Variants in RIMS2 observed in about 807,000 individuals in gnomAD.
RIMS2 encodes the protein regulating synaptic membrane exocytosis protein 2.
Under a neutral mutation model 174.4 loss-of-function variants are expected in RIMS2, and 59 were observed. The ratio of observed to expected loss-of-function variants is 0.34; its 90% CI spans 0.27 to 0.42. RIMS2 has a LOEUF of 0.42. Ranked by LOEUF, RIMS2 falls within the 10% of genes least tolerant of loss-of-function variation. RIMS2 has a pLI of 1.00. For synonymous variants in RIMS2, 606 were observed against 572.5 expected, an observed-to-expected ratio of 1.06 and a Z score of -0.84; for missense variants, 1,620 against 1,666.3, an observed-to-expected ratio of 0.97 and a Z score of 0.48.
intron 3 of RIMS2, among the ~76,000 whole-genome samples, chr8:103,782,946 T>C (rs1417577533): frequency 6.6e-6 from 1 of 152,210 alleles, no homozygotes; most frequent in Non-Finnish European, 1.5e-5. Flanking sequence ...ACCACAAACT[T>C]AGAGGCTTAT....
chr8:103,841,000 A>G (rs969796826), intron 3 of RIMS2, among the ~76,000 whole-genome samples: 3 of 152,212 alleles, frequency 2.0e-5, no homozygotes, highest in African/African-American at 7.2e-5. Context: ...TGAAATAGGC[A>G]GGAATGCTAG....
chr8:103,555,142 A>T (rs1849819501), intron 1 of RIMS2, among the ~76,000 whole-genome samples: 1 of 152,160 alleles, frequency 6.6e-6, no homozygotes, highest in African/African-American at 2.4e-5. Context: ...AACACAACTT[A>T]CCAGTATAAA....
chr8:103,761,430 C>G (rs2098112145), intron 2 of RIMS2, among the ~76,000 whole-genome samples: 1 of 152,238 alleles, frequency 6.6e-6, no homozygotes, highest in African/African-American at 2.4e-5. Flanking sequence ...TATGTGAAGT[C>G]CACACTGGTA....
chr8:104,075,457 T>C (rs1205279163), intron 19 of RIMS2, among the ~76,000 whole-genome samples: 1 of 152,190 alleles, frequency 6.6e-6, no homozygotes, highest in African/African-American at 2.4e-5. Context: ...AGCAGAATGG[T>C]TTTCTATTTT....
At chr8:104,228,997 C>T (rs1024980085) in intron 19 of RIMS2, among the ~76,000 whole-genome samples, 6 of 152,156 alleles carry the variant, frequency 3.9e-5, no homozygotes, top group Non-Finnish European at 5.9e-5. Context: ...CTTTCACCAC[C>T]ATGTGTCCAA....
chr8:103,969,563 T>C (rs187613075), intron 15 of RIMS2, among the ~76,000 whole-genome samples: 1 of 152,304 alleles, frequency 6.6e-6, no homozygotes, highest in African/African-American at 2.4e-5. Context: ...TTTCTTAGAA[T>C]TTCTTTCTGC....
At chr8:103,781,041 C>T (rs2098383102) in intron 3 of RIMS2, among the ~76,000 whole-genome samples, 1 of 152,090 alleles carries the variant, frequency 6.6e-6, no homozygotes, top group Non-Finnish European at 1.5e-5. Flanking sequence ...AGGGGATATT[C>T]TGGCAGTGTT....
intron 19 of RIMS2, among the ~76,000 whole-genome samples, chr8:104,163,209 A>G (rs80206450): frequency 2.6e-5 from 4 of 152,138 alleles, no homozygotes; most frequent in Non-Finnish European, 5.9e-5. Flanking sequence ...TAAGTGGACA[A>G]ATTCTTCTAA....
rs1311572866 is a variant in RIMS2 at position 103,728,745 on chromosome 8, C to CTTTTTTTTTTTTTTT, written c.387+31451_387+31452insTTTTTTTTTTTTTTT. Among the ~76,000 whole-genome samples the CTTTTTTTTTTTTTTT allele has an allele frequency of 8.5e-4, 58 of 68,110 alleles. 1 individual carries two copies. Among genetic ancestry groups the CTTTTTTTTTTTTTTT allele is most frequent in the African/African-American group, 4.4e-3 (57 of 12,836 alleles). The allele number at this position is 68,110 out of a possible 152,430, so 44.7% of individuals were successfully genotyped here. On this transcript the variant is annotated intron_variant, in intron 2 of 23. Transcript: ENST00000504942. ...GCTTTTATTTTGTTGAGGTATGCTCCTTCTTTTTTTTTTTTTTTTTTTAGG... is the reference window on the plus strand; with the variant it reads ...GCTTTTATTTTGTTGAGGTATGCTCCTTTTTTTTTTTTTTTTTCTTTTTTTTTTTTTTTTTTTAGG...
At chr8:103,592,317 A>G (rs924833050) in intron 1 of RIMS2, among the ~76,000 whole-genome samples, 1 of 151,198 alleles carries the variant, frequency 6.6e-6, no homozygotes, top group Non-Finnish European at 1.5e-5. Context: ...TACAAATAAA[A>G]CATATTCTTC....
intron 1 of RIMS2, among the ~76,000 whole-genome samples, chr8:103,621,181 A>G (rs2095625528): frequency 6.6e-6 from 1 of 152,200 alleles, no homozygotes; most frequent in African/African-American, 2.4e-5. Flanking sequence ...CATAAATTTA[A>G]TTTCCTCAGC....
At chr8:104,034,936 G>A (rs1270751461) in intron 19 of RIMS2, among the ~76,000 whole-genome samples, 1 of 152,062 alleles carries the variant, frequency 6.6e-6, no homozygotes, top group Admixed American at 6.6e-5. Flanking sequence ...ATTTTAAGCT[G>A]ATATTTTAAT....
chr8:103,930,646 A>G (rs1329046668), intron 11 of RIMS2, among the ~76,000 whole-genome samples: 2 of 152,106 alleles, frequency 1.3e-5, no homozygotes, highest in Admixed American at 6.6e-5. Context: ...TCCTAAGGAT[A>G]TTATTCATCA....
chr8:104,223,802 C>A (rs1197189479), intron 19 of RIMS2: 2 of 1,593,884 alleles, frequency 1.3e-6, no homozygotes, highest in Admixed American at 3.4e-5. Flanking sequence ...AGGTGAGACA[C>A]CCCTTCCCCC....
chr8:103,948,128 G>A (rs2084290236), intron 14 of RIMS2, among the ~76,000 whole-genome samples: 1 of 152,074 alleles, frequency 6.6e-6, no homozygotes, highest in South Asian at 2.1e-4. Flanking sequence ...TGCAAGTTAT[G>A]CCACAATTAC....
At chr8:103,574,620 T>C (rs1049197976) in intron 1 of RIMS2, among the ~76,000 whole-genome samples, 5 of 152,212 alleles carry the variant, frequency 3.3e-5, no homozygotes, top group African/African-American at 7.2e-5. Context: ...GGTTCCCCTT[T>C]ATAAATATGC....
chr8:103,793,088 C>T (rs1172350983), intron 3 of RIMS2, among the ~76,000 whole-genome samples: 1 of 152,124 alleles, frequency 6.6e-6, no homozygotes, highest in East Asian at 1.9e-4. Context: ...TGTATGAAGC[C>T]AGCATCATTC....
intron 3 of RIMS2, among the ~76,000 whole-genome samples, chr8:103,841,387 T>A (rs891343819): frequency 1.4e-4 from 22 of 152,160 alleles, no homozygotes; most frequent in Non-Finnish European, 3.1e-4. Flanking sequence ...TATCTCTTTT[T>A]AAAAATCTTT....
At chr8:103,540,161 C>A (rs1841849847) in intron 1 of RIMS2, among the ~76,000 whole-genome samples, 1 of 152,232 alleles carries the variant, frequency 6.6e-6, no homozygotes, top group Admixed American at 6.5e-5. Context: ...GTGCCTCAGG[C>A]CTCAGCTCCA....
Sources: gnomAD v4.1 joint callset for allele counts (sites outside exome capture counted in the v4.1 genomes callset) on GRCh38, gnomAD v4.1.1 for gene constraint, MANE v1.5 for transcripts, NCBI Gene and HGNC (gene_info 2026-07-23, HGNC 2026-07-21) for gene names.